ATP8A2: variants seen among roughly 807,000 people sequenced by gnomAD.
The protein encoded by ATP8A2 is ATPase phospholipid transporting 8A2.
A neutral mutation model predicts 165.6 loss-of-function variants in ATP8A2; 100 were observed. The observed-to-expected ratio is 0.60, with a 90% confidence interval of 0.51 to 0.71. The LOEUF (loss-of-function observed/expected upper bound fraction) is 0.71, where lower values mean the gene tolerates loss of function less well. Among genes scored for constraint, ATP8A2 ranks in the 30% least tolerant of loss-of-function variants. The pLI is 0.00. For missense variants in ATP8A2, 1,227 were observed against 1,479.5 expected (o/e 0.83, Z 2.80); for synonymous variants, 543 against 548.8 (o/e 0.99, Z 0.15).
chr13:25,773,613 C>G (rs1221938800), intron 26 of ATP8A2, among the ~76,000 whole-genome samples: 1 of 152,196 alleles, frequency 6.6e-6, no homozygotes, highest in Non-Finnish European at 1.5e-5. Context: ...GACTGCATAG[C>G]ACTCTGGCCA....
chr13:25,882,936 TGA>T (rs1194813855), intron 33 of ATP8A2, among the ~76,000 whole-genome samples: 1 of 150,320 alleles, frequency 6.7e-6, no homozygotes, highest in Admixed American at 6.6e-5. Flanking sequence ...ATGATGATGA[TGA>T]TGGTGATGGT....
At chr13:25,848,470 C>T (rs1467947749) in intron 30 of ATP8A2, among the ~76,000 whole-genome samples, 2 of 152,210 alleles carry the variant, frequency 1.3e-5, no homozygotes, top group African/African-American at 4.8e-5. Context: ...GTAAGAAACA[C>T]GTGTGGCCTC....
chr13:25,868,936 G>C (rs1277018295), intron 33 of ATP8A2, among the ~76,000 whole-genome samples: 2 of 152,040 alleles, frequency 1.3e-5, no homozygotes, highest in African/African-American at 4.8e-5. Context: ...AGGCATGGTG[G>C]CGGGCGCCTG....
intron 13 of ATP8A2, among the ~76,000 whole-genome samples, chr13:25,557,738 T>C (rs2039022340): frequency 6.6e-6 from 1 of 152,164 alleles, no homozygotes; most frequent in Admixed American, 6.5e-5. Context: ...GGATTGAAAG[T>C]GTTCAAGAAG....
chr13:25,619,449 C>T (rs78599399), intron 24 of ATP8A2, among the ~76,000 whole-genome samples: 2,198 of 152,118 alleles, frequency 0.014, 48 homozygotes, highest in African/African-American at 0.05. Flanking sequence ...GCTATTAGCA[C>T]GAAAAGACAC....
intron 35 of ATP8A2, among the ~76,000 whole-genome samples, chr13:25,999,945 C>T (rs1291200994): frequency 6.6e-6 from 1 of 152,104 alleles, no homozygotes; most frequent in African/African-American, 2.4e-5. Context: ...TTGTGATTTT[C>T]CTTCATTACA....
chr13:25,399,534 G>T (rs1266436951), intron 1 of ATP8A2, among the ~76,000 whole-genome samples: 10 of 112,638 alleles, frequency 8.9e-5, no homozygotes, highest in Non-Finnish European at 1.5e-4. Flanking sequence ...AAGTAGCTGG[G>T]ACTACAGGAG....
intron 24 of ATP8A2, among the ~76,000 whole-genome samples, chr13:25,616,310 TTTTCTTTC>T (rs1193749619): frequency 1.4e-5 from 2 of 145,898 alleles, no homozygotes; most frequent in Non-Finnish European, 3.0e-5. Flanking sequence ...CTTAATTTTC[TTTTCTTTC>T]TTTCTTTCTT....
chr13:25,636,024 G>A (rs1393091454), intron 24 of ATP8A2, among the ~76,000 whole-genome samples: 1 of 152,168 alleles, frequency 6.6e-6, no homozygotes, highest in East Asian at 1.9e-4. Context: ...AGATGGATGA[G>A]TATGGGGGGA....
At chr13:25,715,183 G>A (rs186007145) in intron 25 of ATP8A2, among the ~76,000 whole-genome samples, 25 of 152,268 alleles carry the variant, frequency 1.6e-4, no homozygotes, top group African/African-American at 5.5e-4. Flanking sequence ...TGGGAGTAGT[G>A]CAAGATGAGG....
intron 2 of ATP8A2, among the ~76,000 whole-genome samples, chr13:25,512,678 C>CAGA (rs2037281391): frequency 7.2e-6 from 1 of 138,948 alleles, no homozygotes; most frequent in African/African-American, 2.7e-5. Flanking sequence ...GCTGGCCGGG[C>CAGA]GGGGGGCTGA....
intron 24 of ATP8A2, among the ~76,000 whole-genome samples, chr13:25,667,701 T>A (rs185412763): frequency 6.6e-6 from 1 of 152,204 alleles, no homozygotes; most frequent in East Asian, 1.9e-4. Flanking sequence ...CAAAATGGAC[T>A]AAGACAATAT....
At chr13:25,851,345 G>A (rs1952002637) in intron 30 of ATP8A2, among the ~76,000 whole-genome samples, 1 of 152,140 alleles carries the variant, frequency 6.6e-6, no homozygotes, top group South Asian at 2.1e-4. Flanking sequence ...ACTTTGGGAG[G>A]CCAAGGCGGG....
Position 25,708,398 on chromosome 13 carries a change from C to A in ATP8A2, c.2384+9053C>A, listed in dbSNP as rs533528121. Among the ~76,000 whole-genome samples the A allele has an allele frequency of 3.9e-5, 6 of 152,316 alleles. No individual in the cohort carries two copies. The South Asian group carries it at 1.2e-3, about 32-fold the overall frequency. On this transcript the variant is annotated intron_variant, in intron 25 of 36. Transcript: ENST00000381655. ...GTTAACTTTCATCAGGAAAAAATTT[C>A]ACTTCTGACAACACTGACACCTTTC...
At chr13:25,600,428 G>A (rs2040351887) in intron 24 of ATP8A2, among the ~76,000 whole-genome samples, 1 of 152,224 alleles carries the variant, frequency 6.6e-6, no homozygotes, top group African/African-American at 2.4e-5. Flanking sequence ...AGTGAGAGAT[G>A]TTAACAGCTG....
At chr13:25,863,391 T>G (rs1291217535) in intron 33 of ATP8A2, 1 of 152,244 alleles carries the variant, frequency 6.6e-6, no homozygotes, top group African/African-American at 2.4e-5. Flanking sequence ...TCTAGGCCAG[T>G]GTGCACACTG....
chr13:25,599,198 T>C (rs1353812752), intron 24 of ATP8A2, among the ~76,000 whole-genome samples: 2 of 152,232 alleles, frequency 1.3e-5, no homozygotes, highest in Non-Finnish European at 2.9e-5. Flanking sequence ...CCCTTACAGA[T>C]GCTTGAGCTC....
chr13:25,561,809 A>G (rs897632552), intron 15 of ATP8A2, among the ~76,000 whole-genome samples: 6 of 152,144 alleles, frequency 3.9e-5, no homozygotes, highest in Non-Finnish European at 8.8e-5. Flanking sequence ...AGTAACCACC[A>G]TTCTGTTTTC....
rs1327675589 is a variant in ATP8A2, at chr13:25,862,380, T to C, written c.3155T>C (p.Ile1052Thr). The change falls in exon 33 of 37, where the codon ATT (isoleucine) becomes ACT (threonine). Residue 1052 changes from isoleucine to threonine, a missense_variant. Ile to Thr is a moderately conservative substitution (Grantham distance 89). This residue lies in a region of ATP8A2 where 260 missense variants were observed against 245.1 expected (regional missense o/e 1.06). Coordinates refer to ENST00000381655, the MANE Select transcript of ATP8A2 (RefSeq NM_016529.6). ...FGIYSTIWPT[I>T]PIAPDMRGQA... ...ATCTACTCGACCATCTGGCCCACCATTCCCATTGCTCCAGATATGAGAGGA... is the reference window on the plus strand; with the variant it reads ...ATCTACTCGACCATCTGGCCCACCACTCCCATTGCTCCAGATATGAGAGGA... 3 of 1,613,854 alleles carry C rather than the reference T, an allele frequency of 1.9e-6. No homozygotes were observed. Among genetic ancestry groups the C allele is most frequent in the Non-Finnish European group, 2.5e-6 (3 of 1,179,858 alleles).
Sources: allele counts gnomAD v4.1 joint callset (sites outside exome capture counted in the v4.1 genomes callset), GRCh38; gene constraint gnomAD v4.1.1; regional missense constraint gnomAD v4.1.1; transcripts MANE v1.5; gene names NCBI Gene and HGNC (gene_info 2026-07-23, HGNC 2026-07-21).